Variants in PLAGL1 observed in about 807,000 individuals in gnomAD.
The protein encoded by PLAGL1 is zinc finger protein PLAGL1.
A neutral mutation model predicts 4.6 loss-of-function variants in PLAGL1; 1 was observed. The observed-to-expected ratio is 0.22, with a 90% CI of 0.08 to 1.03. PLAGL1 has a LOEUF of 1.03. PLAGL1 is among the 50% of genes least tolerant of loss of function. The pLI is 0.58. For synonymous variants in PLAGL1, 240 were observed against 237.8 expected, an observed-to-expected ratio of 1.01 and a Z score of -0.08; for missense variants, 464 against 570.4, an observed-to-expected ratio of 0.81 and a Z score of 1.90.
In PLAGL1 at chr6:143,954,137, C is replaced by A. The variant is rs897339110; in HGVS notation, c.-324-5677G>T. Among the ~76,000 whole-genome samples, 10 of 152,108 alleles carry A rather than the reference C, an allele frequency of 6.6e-5. No individual in the cohort carries two copies. The highest frequency in any genetic ancestry group is 2.4e-4 in the African/African-American group (10 of 41,424). The stretch of plus-strand genomic sequence containing the variant: ...GGGGGTTTCCTCCAGGGGTCGCCAC[C>A]TTACCCTATACAAGGCCCCAGCTGA... On this transcript the variant is annotated intron_variant, in intron 6 of 7. Coordinates refer to ENST00000674357, the MANE Select transcript of PLAGL1 (RefSeq NM_001317162.2). The surrounding 1 kb of genome is among the most constrained non-coding windows in gnomAD (Gnocchi z 5.1).
rs1307770860 is a variant in PLAGL1 at position 143,945,769 on chromosome 6, A to G, written c.152+2216T>C. Among the ~76,000 whole-genome samples, 1 of 152,012 alleles carries G rather than the reference A, an allele frequency of 6.6e-6. No homozygotes were observed. The highest frequency in any genetic ancestry group is 1.5e-5 in the Non-Finnish European group (1 of 68,004). ...GGATTACAGGCATCATCTTTTTTTTAAAAGCAAAACCGAAAGCATCCTGCC... is the reference window on the plus strand; with the variant it reads ...GGATTACAGGCATCATCTTTTTTTTGAAAGCAAAACCGAAAGCATCCTGCC... On this transcript the variant is annotated intron_variant, in intron 7 of 7. Coordinates refer to ENST00000674357, the MANE Select transcript of PLAGL1 (RefSeq NM_001317162.2). This position sits in a 1 kb window ranked among gnomAD's most constrained non-coding sequence, Gnocchi z 4.2.
intron 1 of PLAGL1, among the ~76,000 whole-genome samples, chr6:144,018,797 C>G (rs1442385966): frequency 1.3e-5 from 2 of 152,146 alleles, no homozygotes; most frequent in Non-Finnish European, 2.9e-5. Context: ...CAAGACACAT[C>G]ACATATGTAG....
rs145770954 is a variant in PLAGL1 at position 143,995,314 on chromosome 6, C to T, written c.-583-10140G>A. ...TATTTGTATGCACGTATCAAGCTAC[C>T]CTTTTCATATCATTCAATAAATGAT... On this transcript the variant is annotated intron_variant, in intron 1 of 7. Transcript: ENST00000674357. The surrounding 1 kb of genome is among the most constrained non-coding windows in gnomAD (Gnocchi z 4.4). Among the ~76,000 whole-genome samples the T allele has an allele frequency of 1.3e-5, 2 of 152,224 alleles. No homozygotes were observed. The highest frequency in any genetic ancestry group is 2.9e-5 in the Non-Finnish European group (2 of 68,012).
rs148429443 is a variant in PLAGL1, at chr6:143,975,084, T to C, written c.-543-6106A>G. Among the ~76,000 whole-genome samples, 1,678 of 152,320 alleles carry C rather than the reference T, an allele frequency of 0.011. 16 individuals carry two copies. The highest frequency in any genetic ancestry group is 0.018 in the Admixed American group (271 of 15,292). ...AGATAATAGGCTCAAGAGAGGTAAATTGACTTGCCAAAGTCATAGAACTAA... is the reference window on the plus strand; with the variant it reads ...AGATAATAGGCTCAAGAGAGGTAAACTGACTTGCCAAAGTCATAGAACTAA... On this transcript the variant is annotated intron_variant, in intron 2 of 7. Transcript: ENST00000674357. The surrounding 1 kb of genome is among the most constrained non-coding windows in gnomAD (Gnocchi z 5.8).
At chr6:143,943,068 T>C in intron 7 of PLAGL1, among the ~76,000 whole-genome samples, 1 of 97,434 alleles carries the variant, frequency 1.0e-5, no homozygotes, top group East Asian at 3.9e-4. Flanking sequence ...GGTCTCACTA[T>C]ACCCACGCTG....
rs1408781964 is a variant in PLAGL1 at position 143,983,412 on chromosome 6, G to A, written c.-544+1723C>T. On this transcript the variant is annotated intron_variant, in intron 2 of 7. Transcript: ENST00000674357. This position sits in a 1 kb window ranked among gnomAD's most constrained non-coding sequence, Gnocchi z 6.6. ...ATAATTTTTTTAAGTAAAGCAGGGAGGTGGGAATGCATGATGCAGGAGAGA... is the reference window on the plus strand; with the variant it reads ...ATAATTTTTTTAAGTAAAGCAGGGAAGTGGGAATGCATGATGCAGGAGAGA... 6.6e-6 allele frequency among the ~76,000 whole-genome samples: 1 copy of A among 152,136 alleles called. No individual in the cohort carries two copies. Among genetic ancestry groups the A allele is most frequent in the Non-Finnish European group, 1.5e-5 (1 of 68,014 alleles).
intron 7 of PLAGL1, among the ~76,000 whole-genome samples, chr6:143,943,006 A>G (rs6938720): frequency 0.23 from 30,109 of 131,780 alleles, 3,331 homozygotes; most frequent in Admixed American, 0.34. Context: ...GCTGAACTAC[A>G]GGCACACACC....
In PLAGL1 at chr6:144,036,455, G is replaced by A. The variant is rs952897329; in HGVS notation, c.-151+28013C>T. ...CCAAATGGGCAAAAATTCCACAGCC[G>A]AGCCTGCCCAGACAAGGGGACCCGC... On this transcript the variant is annotated intron_variant, in intron 1 of 3. Transcript: ENST00000437412. This position sits in a 1 kb window ranked among gnomAD's most constrained non-coding sequence, Gnocchi z 5.1. Among the ~76,000 whole-genome samples, 41 of 152,196 alleles carry A rather than the reference G, an allele frequency of 2.7e-4. No homozygotes were observed. Among genetic ancestry groups the A allele is most frequent in the Admixed American group, 2.4e-3 (36 of 15,288 alleles).
chr6:144,018,896 T>C (rs1795762173), intron 1 of PLAGL1, among the ~76,000 whole-genome samples: 2 of 152,238 alleles, frequency 1.3e-5, no homozygotes, highest in South Asian at 4.1e-4. Context: ...GAGCGAGGCA[T>C]AGTGGCTCAT....
chr6:143,987,266 G>T (rs1045500740), intron 1 of PLAGL1, among the ~76,000 whole-genome samples: 1 of 151,622 alleles, frequency 6.6e-6, no homozygotes, highest in African/African-American at 2.4e-5. Flanking sequence ...GTGTGGTGAC[G>T]TGATCAAGGT....
chr6:144,040,068 A>G (rs1797604241), intron 1 of PLAGL1, among the ~76,000 whole-genome samples: 1 of 152,250 alleles, frequency 6.6e-6, no homozygotes, highest in African/African-American at 2.4e-5. Context: ...AATGATTAAT[A>G]TAAAAATACT....
chr6:143,962,494 A>C lies in PLAGL1; in HGVS notation c.-398-1952T>G, dbSNP rs1324180772. ...GTAAACAGATTAGTTAATTGTTTTA[A>C]ATGAAGGGGGAAATATTTTTTGGAA... On this transcript the variant is annotated intron_variant, in intron 5 of 7. Transcript: ENST00000674357. The surrounding 1 kb of genome is among the most constrained non-coding windows in gnomAD (Gnocchi z 5.3). Among the ~76,000 whole-genome samples the C allele has an allele frequency of 6.6e-6, 1 of 152,214 alleles. No homozygotes were observed. Among genetic ancestry groups the C allele is most frequent in the African/African-American group, 2.4e-5 (1 of 41,446 alleles).
Position 143,979,595 on chromosome 6 carries a change from T to C in PLAGL1, c.-544+5540A>G, listed in dbSNP as rs1233658601. 6.6e-6 allele frequency among the ~76,000 whole-genome samples: 1 copy of C among 152,088 alleles called. No individual in the cohort carries two copies. The highest frequency in any genetic ancestry group is 1.5e-5 in the Non-Finnish European group (1 of 67,948). On this transcript the variant is annotated intron_variant, in intron 2 of 7. Coordinates refer to ENST00000674357, the MANE Select transcript of PLAGL1 (RefSeq NM_001317162.2). The surrounding 1 kb of genome is among the most constrained non-coding windows in gnomAD (Gnocchi z 4.6). The stretch of plus-strand genomic sequence containing the variant: ...CAGTTCATGTAGAGTATAAAAACTT[T>C]ATAGTTATATTTTTCCTCACCTGAC...
rs1266618541 is a variant in PLAGL1, at chr6:144,005,523, C to T, written c.-584+2567G>A. 4 of 152,208 alleles carry T rather than the reference C, an allele frequency of 2.6e-5. No homozygotes were observed. The East Asian group carries it at 7.7e-4, about 29-fold the overall frequency. 9.4% of individuals were successfully genotyped at this position (152,208 alleles called of 1,614,324 possible). Reference sequence around the variant, plus strand: ...TTGATCTCATAACATAAAATATATACATCTCAATATATACATGTCTCAGGT... The same window carrying T: ...TTGATCTCATAACATAAAATATATATATCTCAATATATACATGTCTCAGGT... On this transcript the variant is annotated intron_variant, in intron 1 of 7. Transcript: ENST00000674357. The surrounding 1 kb of genome is among the most constrained non-coding windows in gnomAD (Gnocchi z 4.6).
chr6:143,993,354 AC>A (rs1790934279), intron 1 of PLAGL1, among the ~76,000 whole-genome samples: 1 of 151,886 alleles, frequency 6.6e-6, no homozygotes, highest in Non-Finnish European at 1.5e-5. Flanking sequence ...ACACACACAC[AC>A]ACACACACAC....
chr6:143,941,720 G>C lies in PLAGL1; in HGVS notation c.1096C>G (p.Pro366Ala). 1 of 1,614,244 alleles carries C rather than the reference G, an allele frequency of 6.2e-7. No homozygotes were observed. The highest frequency in any genetic ancestry group is 8.5e-7 in the Non-Finnish European group (1 of 1,180,030). ...AGKVNLPKEL[P>A]ADAVNLTIPA... is the part of the protein sequence containing the mutation. ...ATTGTTAGGTTCACAGCATCTGCAG[G>C]CAGCTCCTTGGGCAGGTTTACTTTA... Residue 366 changes from proline to alanine, a missense_variant, in exon 8 of 8, where the codon CCT becomes GCT. Around this residue, in one of 4 missense-constraint regions of PLAGL1, gnomAD observed 248 missense variants for 250.1 expected, o/e 0.99. Transcript: ENST00000674357. The surrounding 1 kb of genome is among the most constrained non-coding windows in gnomAD (Gnocchi z 6.0).
chr6:144,040,253 G>A (rs1050009586), intron 1 of PLAGL1, among the ~76,000 whole-genome samples: 1 of 152,182 alleles, frequency 6.6e-6, no homozygotes, highest in African/African-American at 2.4e-5. Context: ...TCTAGGCCAG[G>A]CACGGTGGCT....
chr6:143,956,505 T>C (rs1232952180), intron 6 of PLAGL1, among the ~76,000 whole-genome samples: 1 of 152,154 alleles, frequency 6.6e-6, no homozygotes, highest in Non-Finnish European at 1.5e-5. Flanking sequence ...GTAAATAACT[T>C]CTAGATGGTG....
chr6:143,986,872 T>C (rs1444406503), intron 1 of PLAGL1, among the ~76,000 whole-genome samples: 1 of 152,126 alleles, frequency 6.6e-6, no homozygotes, highest in East Asian at 1.9e-4. Flanking sequence ...AGACGTCTCC[T>C]GGATGATCTA....
Sources: allele counts gnomAD v4.1 joint callset (sites outside exome capture counted in the v4.1 genomes callset), GRCh38; gene constraint gnomAD v4.1.1; regional missense constraint gnomAD v4.1.1; non-coding constraint Gnocchi (gnomAD v3.1); transcripts MANE v1.5; gene names NCBI Gene and HGNC (gene_info 2026-07-23, HGNC 2026-07-21).